Variants in PRDM16 observed in about 807,000 individuals in gnomAD.
PRDM16 encodes the protein histone-lysine N-methyltransferase PRDM16.
PRDM16 carries 23 observed loss-of-function variants against 110.6 expected under a neutral mutation model. The observed-to-expected ratio is 0.21, with a 90% CI of 0.15 to 0.29. The LOEUF (loss-of-function observed/expected upper bound fraction) is 0.29. Among genes scored for constraint, PRDM16 ranks in the 10% least tolerant of loss-of-function variants. The pLI is 1.00. For synonymous variants in PRDM16, 799 were observed against 781.8 expected (o/e 1.02, Z -0.37); for missense variants, 1,615 against 1,794.3 (o/e 0.90, Z 1.81).
intron 3 of PRDM16, among the ~76,000 whole-genome samples, chr1:3,261,986 T>C (rs1488038163): frequency 6.6e-6 from 1 of 152,224 alleles, no homozygotes; most frequent in Non-Finnish European, 1.5e-5. Context: ...TCTGCTGCCC[T>C]TGGAGCTGAA....
rs1251741511 is a variant in PRDM16, at chr1:3,290,010, TG to T, written c.438+45877del. On this transcript the variant is annotated intron_variant, in intron 3 of 16. Coordinates refer to ENST00000270722, the MANE Select transcript of PRDM16 (RefSeq NM_022114.4). This position sits in a 1 kb window ranked among gnomAD's most constrained non-coding sequence, Gnocchi z 4.8. ...CAGGCGCCAGGACCCCACTCCTGCC[TG>T]GGGCTGCCCCTGCTGCTGTGCCTCC... Among the ~76,000 whole-genome samples the T allele has an allele frequency of 3.3e-5, 5 of 151,240 alleles. No homozygotes were observed. Among genetic ancestry groups the T allele is most frequent in the African/African-American group, 1.2e-4 (5 of 41,312 alleles).
chr1:3,162,595 C>A (rs1359279646), intron 1 of PRDM16, among the ~76,000 whole-genome samples: 1 of 152,176 alleles, frequency 6.6e-6, no homozygotes, highest in Non-Finnish European at 1.5e-5. Flanking sequence ...TGGAAAATGA[C>A]CAGGCTCCCA....
At chr1:3,376,996 C>T (rs954125880) in intron 3 of PRDM16, among the ~76,000 whole-genome samples, 18 of 152,260 alleles carry the variant, frequency 1.2e-4, no homozygotes, top group African/African-American at 4.1e-4. Flanking sequence ...AACGCCTTTC[C>T]CCCACCTCCT....
intron 3 of PRDM16, among the ~76,000 whole-genome samples, chr1:3,357,360 C>G (rs192356764): frequency 2.8e-5 from 4 of 144,474 alleles, no homozygotes; most frequent in East Asian, 4.5e-4. Flanking sequence ...CCCCACCCCC[C>G]GCCCCGAGCT....
chr1:3,230,283 G>T (rs1271354496), intron 2 of PRDM16, among the ~76,000 whole-genome samples: 1 of 152,218 alleles, frequency 6.6e-6, no homozygotes, highest in Non-Finnish European at 1.5e-5. Context: ...ATTCCTGGAT[G>T]TTGCTAGGTC....
chr1:3,132,686 C>G (rs750386284), intron 1 of PRDM16, among the ~76,000 whole-genome samples: 4 of 152,232 alleles, frequency 2.6e-5, no homozygotes, highest in Non-Finnish European at 5.9e-5. Flanking sequence ...AAGTCAACAC[C>G]TCTGCCTCCC....
At chr1:3,378,478 C>T (rs1643034815) in intron 3 of PRDM16, among the ~76,000 whole-genome samples, 1 of 152,158 alleles carries the variant, frequency 6.6e-6, no homozygotes, top group African/African-American at 2.4e-5. Flanking sequence ...CCCTGGAGAG[C>T]ACACGGGGCA....
intron 3 of PRDM16, among the ~76,000 whole-genome samples, chr1:3,332,501 T>C (rs1642062212): frequency 6.6e-6 from 1 of 152,112 alleles, no homozygotes; most frequent in African/African-American, 2.4e-5. Context: ...TTGGGGGCTT[T>C]ATGGGCTGTT....
intron 3 of PRDM16, among the ~76,000 whole-genome samples, chr1:3,378,163 C>T (rs780790714): frequency 1.2e-4 from 18 of 152,230 alleles, no homozygotes; most frequent in East Asian, 9.6e-4. Flanking sequence ...CACATGGCTG[C>T]GACCTTGGAC....
At chr1:3,172,197 C>T (rs963962123) in intron 1 of PRDM16, among the ~76,000 whole-genome samples, 5 of 152,152 alleles carry the variant, frequency 3.3e-5, no homozygotes, top group African/African-American at 7.2e-5. Context: ...ACGTCCCCCA[C>T]GGTCTTCCCG....
intron 1 of PRDM16, among the ~76,000 whole-genome samples, chr1:3,103,397 G>A (rs185554734): frequency 2.2e-4 from 34 of 152,250 alleles, no homozygotes; most frequent in Admixed American, 1.9e-3. Flanking sequence ...TACCTTAGTC[G>A]TCTCTTTAGA....
At chr1:3,288,604 G>A (rs1430115540) in intron 3 of PRDM16, among the ~76,000 whole-genome samples, 1 of 152,134 alleles carries the variant, frequency 6.6e-6, no homozygotes, top group African/African-American at 2.4e-5. Flanking sequence ...TCACCTAGGG[G>A]TCCTGGTGGG....
At chr1:3,386,167 C>G (rs11810266) in intron 4 of PRDM16, among the ~76,000 whole-genome samples, 12,124 of 113,342 alleles carry the variant, frequency 0.11, 998 homozygotes, top group African/African-American at 0.26. Flanking sequence ...TGCCCGGGGT[C>G]CCCGGCCCCT....
At chr1:3,421,921 C>G (rs1468831292) in intron 12 of PRDM16, among the ~76,000 whole-genome samples, 6 of 53,534 alleles carry the variant, frequency 1.1e-4, no homozygotes, top group Admixed American at 3.0e-4. Context: ...GACAGGAAGA[C>G]AGACAGGCAG....
At chr1:3,114,191 A>ACACGCACACACACACACGCACGCG in intron 1 of PRDM16, among the ~76,000 whole-genome samples, 1 of 131,798 alleles carries the variant, frequency 7.6e-6, no homozygotes, top group Non-Finnish European at 1.6e-5. Context: ...ACACGCACAC[A>ACACGCACACACACACACGCACGCG]CGCACACGCA....
At chr1:3,169,603 C>T (rs1019276021) in intron 1 of PRDM16, among the ~76,000 whole-genome samples, 1 of 152,202 alleles carries the variant, frequency 6.6e-6, no homozygotes, top group African/African-American at 2.4e-5. Flanking sequence ...GTATCCCTGT[C>T]ACCTCCTCAA....
rs1344721217 is a variant in PRDM16 at position 3,377,305 on chromosome 1, G to A, written c.439-7847G>A. On this transcript the variant is annotated intron_variant, in intron 3 of 16. Coordinates refer to ENST00000270722, the MANE Select transcript of PRDM16 (RefSeq NM_022114.4). Reference sequence around the variant, plus strand: ...GCGTCCCAGGGCTCCTCTCCTCCCTGCATGCTCAGAATCCACTAGGCAAGC... The same window carrying A: ...GCGTCCCAGGGCTCCTCTCCTCCCTACATGCTCAGAATCCACTAGGCAAGC... Among the ~76,000 whole-genome samples the A allele has an allele frequency of 9.2e-5, 14 of 152,278 alleles. No individual in the cohort carries two copies. The East Asian group carries it at 2.1e-3, about 23-fold the overall frequency.
intron 10 of PRDM16, among the ~76,000 whole-genome samples, chr1:3,417,181 G>T (rs946810036): frequency 2.0e-5 from 3 of 152,192 alleles, no homozygotes; most frequent in Non-Finnish European, 2.9e-5. Context: ...ATATCAAATT[G>T]CCCTGTGTCA....
intron 2 of PRDM16, chr1:3,238,038 C>G (rs549863625): frequency 6.6e-6 from 1 of 152,598 alleles, no homozygotes; most frequent in East Asian, 1.9e-4. Flanking sequence ...GTTCCCTGCT[C>G]GGGGCCCTGG....
Sources: allele counts gnomAD v4.1 joint callset (sites outside exome capture counted in the v4.1 genomes callset), GRCh38; gene constraint gnomAD v4.1.1; non-coding constraint Gnocchi (gnomAD v3.1); transcripts MANE v1.5; gene names NCBI Gene and HGNC (gene_info 2026-07-23, HGNC 2026-07-21).